Variants in MAN1C1 observed in about 807,000 individuals in gnomAD.
MAN1C1 encodes the protein mannosidase alpha class 1C member 1, also known as mannosyl-oligosaccharide 1,2-alpha-mannosidase IC.
A neutral mutation model predicts 71.5 loss-of-function variants in MAN1C1; 49 were observed. The ratio of observed to expected loss-of-function variants is 0.69; its 90% CI spans 0.54 to 0.87. The LOEUF (loss-of-function observed/expected upper bound fraction) is 0.87. Among genes scored for constraint, MAN1C1 ranks in the 40% least tolerant of loss-of-function variants. The probability of loss-of-function intolerance (pLI) is 0.00; values close to 1 mark genes in which losing one functional copy is unlikely to be tolerated. For synonymous variants in MAN1C1, 352 were observed against 343.7 expected (o/e 1.02, Z -0.27); for missense variants, 743 against 835.0 (o/e 0.89, Z 1.36).
intron 2 of MAN1C1, among the ~76,000 whole-genome samples, chr1:25,736,754 C>T (rs892693512): frequency 3.9e-5 from 6 of 152,102 alleles, no homozygotes; most frequent in East Asian, 1.9e-4. Flanking sequence ...CTTGAACTCC[C>T]GGGCTCAAGC....
chr1:25,732,015 AG>A (rs771228075), intron 2 of MAN1C1, among the ~76,000 whole-genome samples: 4 of 152,278 alleles, frequency 2.6e-5, no homozygotes, highest in Non-Finnish European at 5.9e-5. Flanking sequence ...AGACCAACTC[AG>A]ACCCTCCTAT....
intron 1 of MAN1C1, among the ~76,000 whole-genome samples, chr1:25,654,883 G>A (rs1324124945): frequency 1.3e-5 from 2 of 152,120 alleles, no homozygotes; most frequent in African/African-American, 2.4e-5. Flanking sequence ...CTGACCTCAC[G>A]ATCTGCCCAC....
intron 2 of MAN1C1, among the ~76,000 whole-genome samples, chr1:25,692,097 G>A (rs985561147): frequency 2.6e-5 from 4 of 152,332 alleles, no homozygotes; most frequent in African/African-American, 9.6e-5. Context: ...GGGCTTGCCT[G>A]GTGTGATCCA....
chr1:25,781,347 A>C, intron 10 of MAN1C1: 1 of 492,648 alleles, frequency 2.0e-6, no homozygotes, highest in East Asian at 3.5e-5. Context: ...CTGAGTGCCC[A>C]TATCCTTGGG....
At chr1:25,662,904 C>A (rs901614984) in intron 1 of MAN1C1, among the ~76,000 whole-genome samples, 1 of 151,958 alleles carries the variant, frequency 6.6e-6, no homozygotes, top group African/African-American at 2.4e-5. Flanking sequence ...ACTAAAAATA[C>A]AAAAATTAGC....
At chr1:25,774,355 C>G (rs966680796) in intron 8 of MAN1C1, among the ~76,000 whole-genome samples, 1 of 152,162 alleles carries the variant, frequency 6.6e-6, no homozygotes, top group Non-Finnish European at 1.5e-5. Flanking sequence ...TCTTATTTAG[C>G]CCCCATCTTA....
chr1:25,665,670 C>T (rs1361888745), intron 1 of MAN1C1, among the ~76,000 whole-genome samples: 2 of 151,938 alleles, frequency 1.3e-5, no homozygotes, highest in African/African-American at 4.8e-5. Context: ...GAAAACAGGG[C>T]ATTAGATATT....
intron 2 of MAN1C1, among the ~76,000 whole-genome samples, chr1:25,700,355 A>G (rs2046425336): frequency 6.6e-6 from 1 of 152,198 alleles, no homozygotes. Flanking sequence ...TTGAAATAGC[A>G]CTTGCCCAGA....
intron 2 of MAN1C1, among the ~76,000 whole-genome samples, chr1:25,722,369 C>T (rs1271081530): frequency 2.1e-4 from 32 of 152,226 alleles, no homozygotes; most frequent in Admixed American, 1.7e-3. Context: ...TTCCTTCCAC[C>T]GATTTTTCTG....
At chr1:25,770,311 G>T (rs772652463) in intron 7 of MAN1C1, among the ~76,000 whole-genome samples, 1 of 152,222 alleles carries the variant, frequency 6.6e-6, no homozygotes, top group Non-Finnish European at 1.5e-5. Context: ...ACACTTGCTG[G>T]GCCAGGACTT....
In MAN1C1 at chr1:25,778,018, C is replaced by A. The variant is rs931086004; in HGVS notation, c.1258-87C>A. The A allele has an allele frequency of 9.3e-7, 1 of 1,070,158 alleles. No homozygotes were observed. Among genetic ancestry groups the A allele is most frequent in the African/African-American group, 1.6e-5 (1 of 62,808 alleles). The allele number at this position is 1,070,158 out of a possible 1,614,324, so 66.3% of individuals were successfully genotyped here. A position where few individuals can be genotyped will look rare whatever the true frequency, so the allele number is the denominator to read the frequency against. ...GGCAGAGCTGCCCTTGCTACTGTCT[C>A]CAAAATGTTCATTTTCCATCCTTTC... On this transcript the variant is annotated intron_variant, in intron 8 of 11. Transcript: ENST00000374332. This position sits in a 1 kb window ranked among gnomAD's most constrained non-coding sequence, Gnocchi z 5.5.
intron 2 of MAN1C1, among the ~76,000 whole-genome samples, chr1:25,697,913 C>T (rs1341272680): frequency 2.0e-5 from 3 of 152,310 alleles, no homozygotes; most frequent in East Asian, 3.9e-4. Context: ...GTTTAACTTT[C>T]GCCTCCTGCT....
intron 1 of MAN1C1, chr1:25,644,490 C>T (rs1168731070): frequency 1.7e-5 from 2 of 119,550 alleles, no homozygotes; most frequent in African/African-American, 8.1e-5. Flanking sequence ...GGTAATGGTA[C>T]CAGAGACATA....
chr1:25,667,517 AAAAG>A lies in MAN1C1; in HGVS notation c.541-18919_541-18916del, dbSNP rs750961219. Among the ~76,000 whole-genome samples the A allele has an allele frequency of 1.4e-4, 22 of 151,850 alleles. No individual in the cohort carries two copies. The South Asian group carries it at 4.6e-3, about 32-fold the overall frequency. On this transcript the variant is annotated intron_variant, in intron 1 of 11. Transcript: ENST00000374332. ...AAAAAAAAAAAAAGCAATTCAAAGA[AAAAG>A]AAACAATGAAACTTGAAGATCTGAG...
At chr1:25,679,776 G>A (rs1466501305) in intron 1 of MAN1C1, among the ~76,000 whole-genome samples, 2 of 151,176 alleles carry the variant, frequency 1.3e-5, no homozygotes, top group Admixed American at 1.3e-4. Context: ...ATATTGTCTT[G>A]TGAACCAATT....
chr1:25,656,048 G>T (rs1273230426), intron 1 of MAN1C1, among the ~76,000 whole-genome samples: 2 of 149,372 alleles, frequency 1.3e-5, no homozygotes, highest in African/African-American at 2.5e-5. Flanking sequence ...GCCCCAAATG[G>T]ACTAGCAGTC....
At chr1:25,783,417 C>G (rs1007530084) in intron 11 of MAN1C1, among the ~76,000 whole-genome samples, 1 of 152,200 alleles carries the variant, frequency 6.6e-6, no homozygotes, top group Admixed American at 6.5e-5. Flanking sequence ...GTGAAGCTGG[C>G]TGATGGCAGA....
At chr1:25,629,200 A>G (rs1296764157) in intron 1 of MAN1C1, among the ~76,000 whole-genome samples, 2 of 152,216 alleles carry the variant, frequency 1.3e-5, no homozygotes, top group Admixed American at 1.3e-4. Flanking sequence ...GTACTAATTT[A>G]CATTCCTACC....
chr1:25,763,498 A>AG (rs1359640400), intron 6 of MAN1C1: 1 of 185,344 alleles, frequency 5.4e-6, no homozygotes, highest in Non-Finnish European at 1.1e-5. Context: ...AAAAAAAAAA[A>AG]AAAAAAAAAA....
Sources: gnomAD v4.1 joint callset for allele counts (sites outside exome capture counted in the v4.1 genomes callset) on GRCh38, gnomAD v4.1.1 for gene constraint, Gnocchi (gnomAD v3.1) non-coding constraint, MANE v1.5 for transcripts, NCBI Gene and HGNC (gene_info 2026-07-23, HGNC 2026-07-21) for gene names.